The following BDNF variants were observed in gnomAD, a reference collection of about 807,000 sequenced individuals.
BDNF encodes the protein brain derived neurotrophic factor, also known as neurotrophic factor BDNF precursor form.
Under a neutral mutation model 19.5 loss-of-function variants are expected in BDNF, and 1 was observed. That is an observed-to-expected ratio of 0.05 (90% CI 0.02 to 0.24). BDNF has a LOEUF of 0.24. Among genes scored for constraint, BDNF ranks in the 10% least tolerant of loss-of-function variants. The probability of loss-of-function intolerance (pLI) is 1.00; values close to 1 mark genes in which losing one functional copy is unlikely to be tolerated. For missense variants in BDNF, 195 were observed against 317.6 expected (o/e 0.61, Z 2.93); for synonymous variants, 100 against 121.6 (o/e 0.82, Z 1.17).
intron 1 of BDNF, among the ~76,000 whole-genome samples, chr11:27,697,033 C>A (rs1859092921): frequency 6.6e-6 from 1 of 151,940 alleles, no homozygotes; most frequent in Admixed American, 6.6e-5. Flanking sequence ...TGTAAATTTC[C>A]TTAAGAGTAA....
chr11:27,696,014 C>G (rs547212681), intron 1 of BDNF, among the ~76,000 whole-genome samples: 2 of 152,248 alleles, frequency 1.3e-5, no homozygotes, highest in East Asian at 3.9e-4. Flanking sequence ...TCCCCCTCCT[C>G]TCCCCTGCAA....
chr11:27,691,896 C>T (rs977686953), intron 1 of BDNF, among the ~76,000 whole-genome samples: 11 of 151,954 alleles, frequency 7.2e-5, no homozygotes, highest in African/African-American at 1.7e-4. Flanking sequence ...TGAAGGTGAA[C>T]GGTGAGAAGT....
intron 1 of BDNF, chr11:27,677,935 G>A (rs1856385956): frequency 6.6e-6 from 1 of 152,092 alleles, no homozygotes; most frequent in South Asian, 2.1e-4. Context: ...GAAGTCCTGT[G>A]GGTGCCATCT....
chr11:27,698,577 A>G (rs1389918425), intron 1 of BDNF, among the ~76,000 whole-genome samples: 2 of 152,174 alleles, frequency 1.3e-5, no homozygotes, highest in Non-Finnish European at 2.9e-5. Context: ...AACTCATATA[A>G]AAATAGATTT....
chr11:27,688,190 G>C (rs1304665169), intron 1 of BDNF, among the ~76,000 whole-genome samples: 1 of 152,200 alleles, frequency 6.6e-6, no homozygotes, highest in East Asian at 1.9e-4. Flanking sequence ...AAACTTCCCA[G>C]TGGCTTTGTT....
At chr11:27,669,837 G>A (rs1855035280) in intron 1 of BDNF, among the ~76,000 whole-genome samples, 1 of 151,980 alleles carries the variant, frequency 6.6e-6, no homozygotes, top group Admixed American at 6.6e-5. Context: ...ACTACCCAAG[G>A]TAATTTATAG....
At chr11:27,700,713 C>T, upstream of BDNF, 2 of 1,171,382 alleles carry the variant, frequency 1.7e-6, no homozygotes, top group South Asian at 3.4e-5. Context: ...CCCTGCGAGT[C>T]CTGCGCCCTC....
chr11:27,712,732 C>G (rs1256568385), intron 1 of BDNF, among the ~76,000 whole-genome samples: 1 of 151,516 alleles, frequency 6.6e-6, no homozygotes, highest in Non-Finnish European at 1.5e-5. Context: ...CCAGGCTGGT[C>G]TGGAACTCCT....
intron 1 of BDNF, chr11:27,721,365 A>G (rs367790890): frequency 1.7e-5 from 28 of 1,609,990 alleles, no homozygotes; most frequent in Non-Finnish European, 2.4e-5. Context: ...TTGTTAAGCA[A>G]CATGTCAAGA....
chr11:27,713,193 T>C (rs547256101), intron 1 of BDNF, among the ~76,000 whole-genome samples: 1 of 152,148 alleles, frequency 6.6e-6, no homozygotes, highest in Non-Finnish European at 1.5e-5. Flanking sequence ...GCCACCACAC[T>C]GGGCATCAGA....
At chr11:27,700,852 G>A (rs1468600535), upstream of BDNF, 2 of 1,253,682 alleles carry the variant, frequency 1.6e-6, no homozygotes, top group Admixed American at 2.4e-5. Context: ...GGGAGGGAGC[G>A]AGTGAGAATC....
chr11:27,659,674 G>A (rs888744689), intron 1 of BDNF: 1 of 997,164 alleles, frequency 1.0e-6, no homozygotes, highest in Non-Finnish European at 1.2e-6. Flanking sequence ...CGCGCGCTCT[G>A]AGTTTATCCT....
chr11:27,683,886 G>A (rs1198163296), intron 1 of BDNF, among the ~76,000 whole-genome samples: 2 of 152,120 alleles, frequency 1.3e-5, no homozygotes, highest in Admixed American at 6.6e-5. Context: ...TTGGCTATAC[G>A]GGCTGTTTTT....
chr11:27,667,907 C>G lies in BDNF; in HGVS notation c.-21-9322G>C, dbSNP rs144442088. The stretch of plus-strand genomic sequence containing the variant: ...TCCAGAAATTGAACTCAGCTCTGCA[C>G]CAAGCGGACCTAATAGACATCTACA... On this transcript the variant is annotated intron_variant, in intron 1 of 1. Transcript: ENST00000356660. Among the ~76,000 whole-genome samples, 794 of 152,274 alleles carry G rather than the reference C, an allele frequency of 5.2e-3. 13 individuals carry two copies. The highest frequency in any genetic ancestry group is 0.019 in the African/African-American group (770 of 41,550).
Position 27,700,180 on chromosome 11 carries a change from A to T in BDNF, c.-38T>A, listed in dbSNP as rs534887949. On this transcript the variant is annotated 5_prime_UTR_variant, in exon 1 of 2. Transcript: ENST00000356660. ...CTTGCCTACCTCGGGGTCCACACAA[A>T]CCTCACGGGTCCCCGGCGGCGGAGT... 1.4e-5 allele frequency: 14 copies of T among 985,130 alleles called. No individual in the cohort carries two copies. The South Asian group carries it at 4.2e-4, about 30-fold the overall frequency. The allele number at this position is 985,130 out of a possible 1,614,324, so 61.0% of individuals were successfully genotyped here.
At chr11:27,701,622 G>A (rs1455582810), upstream of BDNF, 1 of 986,444 alleles carries the variant, frequency 1.0e-6, no homozygotes, top group Non-Finnish European at 1.2e-6. Flanking sequence ...CGCGGTGAAT[G>A]GGAAAGTGGG....
chr11:27,686,998 G>A (rs570314126), intron 1 of BDNF, among the ~76,000 whole-genome samples: 42 of 152,196 alleles, frequency 2.8e-4, no homozygotes, highest in Non-Finnish European at 5.0e-4. Context: ...CCTAAGGAGT[G>A]TTTTCCAACT....
At chr11:27,716,440 T>TACAC (rs895793513) in intron 1 of BDNF, among the ~76,000 whole-genome samples, 5 of 86,472 alleles carry the variant, frequency 5.8e-5, no homozygotes, top group Admixed American at 1.3e-4. Flanking sequence ...CACACGCCCA[T>TACAC]ACACACACAC....
intron 1 of BDNF, among the ~76,000 whole-genome samples, chr11:27,673,671 C>T (rs1262732659): frequency 6.6e-6 from 1 of 152,092 alleles, no homozygotes; most frequent in African/African-American, 2.4e-5. Context: ...GACGGTGCTC[C>T]TGAAATTTTC....
Sources: gnomAD v4.1 joint callset for allele counts (sites outside exome capture counted in the v4.1 genomes callset) on GRCh38, gnomAD v4.1.1 for gene constraint, MANE v1.5 for transcripts, NCBI Gene and HGNC (gene_info 2026-07-23, HGNC 2026-07-21) for gene names.